The following GTF2IRD1 variants were observed in gnomAD, a reference collection of about 807,000 sequenced individuals.
GTF2IRD1 encodes general transcription factor II-I repeat domain-containing protein 1.
A neutral mutation model predicts 113.2 loss-of-function variants in GTF2IRD1; 26 were observed. The ratio of observed to expected loss-of-function variants is 0.23; its 90% CI spans 0.17 to 0.32. The LOEUF (loss-of-function observed/expected upper bound fraction) is 0.32, where lower values mean the gene tolerates loss of function less well. Ranked by LOEUF, GTF2IRD1 falls within the 10% of genes least tolerant of loss-of-function variation. GTF2IRD1 has a pLI of 1.00. For missense variants in GTF2IRD1, 864 were observed against 1,280.8 expected (o/e 0.67, Z 4.97); for synonymous variants, 484 against 529.1 (o/e 0.91, Z 1.17).
chr7:74,466,718 A>G (rs1793737702), intron 1 of GTF2IRD1, among the ~76,000 whole-genome samples: 1 of 152,066 alleles, frequency 6.6e-6, no homozygotes, highest in South Asian at 2.1e-4. Context: ...CCCCAGCCAC[A>G]GCCCGCATCA....
chr7:74,546,313 C>T (rs767216824), intron 16 of GTF2IRD1, among the ~76,000 whole-genome samples: 5 of 150,868 alleles, frequency 3.3e-5, no homozygotes, highest in Admixed American at 6.6e-5. Flanking sequence ...CCTGCGCTTC[C>T]TGGGTTCAAG....
intron 17 of GTF2IRD1, among the ~76,000 whole-genome samples, chr7:74,551,436 G>A (rs1278662741): frequency 6.6e-6 from 1 of 152,234 alleles, no homozygotes; most frequent in African/African-American, 2.4e-5. Flanking sequence ...TCCCGGGCTT[G>A]CAGCCCAGCA....
intron 25 of GTF2IRD1, chr7:74,600,838 A>G (rs1318060138): frequency 5.0e-6 from 3 of 604,936 alleles, no homozygotes; most frequent in Non-Finnish European, 8.8e-6. Flanking sequence ...GAGGCCGGGG[A>G]GAGTGGGCCC....
intron 1 of GTF2IRD1, among the ~76,000 whole-genome samples, chr7:74,465,067 G>A (rs1458029576): frequency 6.6e-6 from 1 of 152,192 alleles, no homozygotes; most frequent in African/African-American, 2.4e-5. Context: ...CTCTCAGTCT[G>A]ATGTTTCTCT....
Position 74,555,467 on chromosome 7 carries a change from G to A in GTF2IRD1, c.1996G>A (p.Glu666Lys), listed in dbSNP as rs145912521. ...ERDSGDPLVDESLKRQGFQEN... is the reference protein window; with the variant it reads ...ERDSGDPLVDKSLKRQGFQEN... Reference sequence around the variant, plus strand: ...GGATTCCGGGGACCCTCTGGTGGACGAGAGCCTGAAGAGACAGGGCTTTCA... The same window carrying A: ...GGATTCCGGGGACCCTCTGGTGGACAAGAGCCTGAAGAGACAGGGCTTTCA... The change falls in exon 19 of 27, where the codon GAG (glutamate) becomes AAG (lysine). Residue 666 changes from glutamate (E) to lysine (K), a missense_variant. Glu to Lys is a moderately conservative substitution (Grantham distance 56, BLOSUM62 1). This residue lies in a region of GTF2IRD1 where 195 missense variants were observed against 359.1 expected (regional missense o/e 0.54). Coordinates refer to ENST00000424337, the MANE Select transcript of GTF2IRD1 (RefSeq NM_005685.4). This position sits in a 1 kb window ranked among gnomAD's most constrained non-coding sequence, Gnocchi z 5.3. 2,361 of 1,612,394 alleles carry A rather than the reference G, an allele frequency of 1.5e-3. 7 individuals are homozygous for A. Among genetic ancestry groups the A allele is most frequent in the Non-Finnish European group, 1.9e-3 (2,270 of 1,178,532 alleles).
At chr7:74,520,792 C>T (rs978855505) in intron 6 of GTF2IRD1, among the ~76,000 whole-genome samples, 10 of 134,790 alleles carry the variant, frequency 7.4e-5, no homozygotes, top group East Asian at 2.2e-4. Flanking sequence ...AAAAAAAAAG[C>T]GTTTGGGTCT....
chr7:74,566,444 G>A (rs1554360725), intron 22 of GTF2IRD1, among the ~76,000 whole-genome samples: 1 of 152,212 alleles, frequency 6.6e-6, no homozygotes, highest in Non-Finnish European at 1.5e-5. Flanking sequence ...CCGAGTTCAA[G>A]CAATTTTCCT....
intron 21 of GTF2IRD1, 73 bp downstream of exon 21, chr7:74,559,117 G>T: frequency 7.2e-7 from 1 of 1,380,378 alleles, no homozygotes. Context: ...CGAATCCTTA[G>T]CCTTTCCCTA....
intron 25 of GTF2IRD1, among the ~76,000 whole-genome samples, chr7:74,599,417 C>T (rs1044732086): frequency 1.3e-5 from 2 of 152,174 alleles, no homozygotes; most frequent in Non-Finnish European, 2.9e-5. Context: ...ACCCCTCCTC[C>T]GTGCTGAACT....
chr7:74,520,544 C>G (rs1415630827), intron 6 of GTF2IRD1, among the ~76,000 whole-genome samples: 1 of 152,070 alleles, frequency 6.6e-6, no homozygotes, highest in Non-Finnish European at 1.5e-5. Context: ...GGCACCACTG[C>G]AGTCTTGCTG....
chr7:74,589,852 T>C lies in GTF2IRD1; in HGVS notation c.2322T>C (p.Asp774=), dbSNP rs1554368880. Residue 774 remains aspartate, a splice_region_variant and synonymous_variant, in exon 23 of 27, where the codon GAT becomes GAC. Coordinates refer to ENST00000424337, the MANE Select transcript of GTF2IRD1 (RefSeq NM_005685.4). Reference sequence around the variant, plus strand: ...TGCCCCCTTGTCTTCCTCTTGTAGATGAAGATGACGCCAACAGACTCGGGG... The same window carrying C: ...TGCCCCCTTGTCTTCCTCTTGTAGACGAAGATGACGCCAACAGACTCGGGG... The part of the protein sequence containing the change: ...RPFQGLIPKP[D]EDDANRLGEK... 1 of 1,600,444 alleles carries C rather than the reference T, an allele frequency of 6.2e-7. No homozygotes were observed. The highest frequency in any genetic ancestry group is 2.2e-5 in the East Asian group (1 of 44,804).
At chr7:74,576,545 G>GA (rs1335880972) in intron 22 of GTF2IRD1, among the ~76,000 whole-genome samples, 865 of 41,288 alleles carry the variant, frequency 0.021, 2 homozygotes, top group Non-Finnish European at 0.032. Context: ...TGGGCTACAA[G>GA]AAAAAAAAAA....
intron 7 of GTF2IRD1, among the ~76,000 whole-genome samples, chr7:74,522,343 G>A (rs1385226644): frequency 6.6e-6 from 1 of 152,076 alleles, no homozygotes; most frequent in Admixed American, 6.6e-5. Flanking sequence ...AATGCAGTAG[G>A]ACTTGCCAGC....
intron 22 of GTF2IRD1, among the ~76,000 whole-genome samples, chr7:74,562,310 G>A (rs1410798920): frequency 6.6e-6 from 1 of 152,180 alleles, no homozygotes; most frequent in Non-Finnish European, 1.5e-5. Flanking sequence ...GATAGTTGCA[G>A]AGAGGCGGGT....
At chr7:74,556,830 G>A (rs1799631340) in intron 19 of GTF2IRD1, among the ~76,000 whole-genome samples, 1 of 147,940 alleles carries the variant, frequency 6.8e-6, no homozygotes, top group African/African-American at 2.5e-5. Context: ...CACCACATTG[G>A]CCAGGCTGGT....
intron 22 of GTF2IRD1, among the ~76,000 whole-genome samples, chr7:74,568,538 C>T (rs1202243060): frequency 5.3e-5 from 8 of 152,006 alleles, no homozygotes; most frequent in African/African-American, 1.7e-4. Context: ...GTCCCAGCTA[C>T]TTGGGAGGCT....
At chr7:74,494,142 A>G (rs1795516924) in intron 1 of GTF2IRD1, among the ~76,000 whole-genome samples, 1 of 152,244 alleles carries the variant, frequency 6.6e-6, no homozygotes, top group South Asian at 2.1e-4. Flanking sequence ...GAGCTCAGCC[A>G]GATGGGTCTT....
At chr7:74,585,094 G>A (rs1251617622) in intron 22 of GTF2IRD1, among the ~76,000 whole-genome samples, 17 of 148,668 alleles carry the variant, frequency 1.1e-4, no homozygotes, top group Admixed American at 4.7e-4. Flanking sequence ...GAGCCACCGC[G>A]CCCAGCCTGT....
Position 74,518,244 on chromosome 7 carries a change from G to A in GTF2IRD1, c.527G>A (p.Arg176Gln), listed in dbSNP as rs146302741. The change falls in exon 5 of 27, where the codon CGA becomes CAA. Residue 176 changes from arginine to glutamine, a missense_variant. Arg to Gln is a conservative substitution (Grantham distance 43). Around this residue, in one of 7 missense-constraint regions of GTF2IRD1, gnomAD observed 182 missense variants for 266.6 expected, o/e 0.68. Transcript: ENST00000424337. ...GGGCTGCCCGAAGGCCTGGCCTTCC[G>A]AAGGCCAGCCGAGTATGACCCCAAG... ...VQGLPEGLAF[R>Q]RPAEYDPKAL... 23 of 1,611,938 alleles carry A rather than the reference G, an allele frequency of 1.4e-5. No homozygotes were observed. The Middle Eastern group carries it at 4.9e-4, about 35-fold the overall frequency.
Sources: gnomAD v4.1 joint callset for allele counts (sites outside exome capture counted in the v4.1 genomes callset) on GRCh38, gnomAD v4.1.1 for gene constraint, gnomAD v4.1.1 regional missense constraint, Gnocchi (gnomAD v3.1) non-coding constraint, MANE v1.5 for transcripts, NCBI Gene and HGNC (gene_info 2026-07-23, HGNC 2026-07-21) for gene names.